Variants in ACAD11 observed in about 807,000 individuals in gnomAD.
ACAD11 encodes the protein acyl-Coenzyme A dehydrogenase family, member 11.
ACAD11 carries 83 observed loss-of-function variants against 102.2 expected under a neutral mutation model. The ratio of observed to expected loss-of-function variants is 0.81; its 90% CI spans 0.68 to 0.97. The LOEUF (loss-of-function observed/expected upper bound fraction) is 0.97, where lower values mean the gene tolerates loss of function less well. Ranked by LOEUF, ACAD11 falls within the 50% of genes least tolerant of loss-of-function variation. ACAD11 has a pLI of 0.00. For synonymous variants in ACAD11, 324 were observed against 319.8 expected, an observed-to-expected ratio of 1.01 and a Z score of -0.14; for missense variants, 901 against 951.7, an observed-to-expected ratio of 0.95 and a Z score of 0.70.
intron 4 of ACAD11, among the ~76,000 whole-genome samples, chr3:132,641,535 C>A (rs1339715453): frequency 7.0e-6 from 1 of 143,696 alleles, no homozygotes; most frequent in South Asian, 2.2e-4. Context: ...CAGAGGGAGA[C>A]TCTGTCTCAA....
intron 1 of ACAD11, among the ~76,000 whole-genome samples, chr3:132,655,605 C>T (rs1937746713): frequency 6.6e-6 from 1 of 152,176 alleles, no homozygotes; most frequent in Non-Finnish European, 1.5e-5. Context: ...TTGCTGAATG[C>T]CGTGTGCTCG....
chr3:132,631,055 A>G (rs1056737727), intron 6 of ACAD11, among the ~76,000 whole-genome samples: 3 of 152,190 alleles, frequency 2.0e-5, no homozygotes, highest in African/African-American at 7.2e-5. Context: ...CGGGTGACAG[A>G]GCAAGACCTT....
intron 8 of ACAD11, among the ~76,000 whole-genome samples, chr3:132,627,876 C>T (rs571601073): frequency 1.3e-5 from 2 of 152,296 alleles, no homozygotes; most frequent in South Asian, 4.1e-4. Context: ...GGGAATGAAA[C>T]TGGCAAAGTG....
chr3:132,610,329 A>G (rs1371892627), intron 11 of ACAD11, among the ~76,000 whole-genome samples: 2 of 152,186 alleles, frequency 1.3e-5, no homozygotes, highest in Non-Finnish European at 1.5e-5. Context: ...AGAGAAGAGC[A>G]AACACATTCA....
intron 9 of ACAD11, among the ~76,000 whole-genome samples, chr3:132,619,790 A>G (rs1158161497): frequency 1.3e-5 from 2 of 152,230 alleles, no homozygotes; most frequent in East Asian, 3.8e-4. Flanking sequence ...TTCTAGCAAT[A>G]TGACAAACTA....
At chr3:132,631,037 C>T (rs1303360796) in intron 6 of ACAD11, among the ~76,000 whole-genome samples, 1 of 152,152 alleles carries the variant, frequency 6.6e-6, no homozygotes, top group Non-Finnish European at 1.5e-5. Context: ...TGGCACTGTA[C>T]TCCAGCCCGG....
intron 8 of ACAD11, 77 bp downstream of exon 8, chr3:132,628,263 C>A: frequency 1.1e-6 from 1 of 898,336 alleles, no homozygotes; most frequent in Non-Finnish European, 1.7e-6. Context: ...ATAATCCCTA[C>A]TCCCCTAAAG....
At chr3:132,632,840 A>G (rs930290698) in intron 5 of ACAD11, among the ~76,000 whole-genome samples, 3 of 152,178 alleles carry the variant, frequency 2.0e-5, no homozygotes, top group Non-Finnish European at 1.5e-5. Flanking sequence ...CTTTGAAGCA[A>G]TTGTGAATGG....
chr3:132,564,357 G>A (rs1576544011), intron 17 of ACAD11, among the ~76,000 whole-genome samples: 1 of 152,214 alleles, frequency 6.6e-6, no homozygotes, highest in East Asian at 1.9e-4. Context: ...TTCTCTAACT[G>A]TTTAGTAGAA....
Position 132,644,824 on chromosome 3 carries a change from T to G in ACAD11, c.222A>C (p.Pro74=), listed in dbSNP as rs1366950129. ...FQTYVLRKKP[P]GSLLPKAHQI... ...GATGTGCTTTAGGAAGAAGTGAACC[T>G]GGTGGTTTTTTCCTGAGCACATATG... Residue 74 remains proline (P), a synonymous_variant, in exon 2 of 20, where the codon CCA becomes CCC. Transcript: ENST00000264990. 6.2e-7 allele frequency: 1 copy of G among 1,612,246 alleles called. No individual in the cohort carries two copies.
Position 132,600,590 on chromosome 3 carries a change from A to C in ACAD11, c.1621+2639T>G, listed in dbSNP as rs764614922. 3 of 1,613,900 alleles carry C rather than the reference A, an allele frequency of 1.9e-6. No individual in the cohort carries two copies. The South Asian group carries it at 3.3e-5, about 18-fold the overall frequency. On this transcript the variant is annotated intron_variant, in intron 13 of 19. Transcript: ENST00000264990. Reference sequence around the variant, plus strand: ...TGCAGGCAATTCCATGGTAGTGGCAATTTATGCCTATTACAAGAAACAGAG... The same window carrying C: ...TGCAGGCAATTCCATGGTAGTGGCACTTTATGCCTATTACAAGAAACAGAG...
At chr3:132,631,930 G>C (rs1052701826) in intron 5 of ACAD11, among the ~76,000 whole-genome samples, 1 of 152,054 alleles carries the variant, frequency 6.6e-6, no homozygotes, top group African/African-American at 2.4e-5. Flanking sequence ...TAGATACAAA[G>C]CATAATTGTT....
At chr3:132,589,290 C>T (rs1937975516) in intron 13 of ACAD11, among the ~76,000 whole-genome samples, 1 of 152,162 alleles carries the variant, frequency 6.6e-6, no homozygotes. Flanking sequence ...TGAGGACCAA[C>T]CCAAAGAACA....
At chr3:132,559,193 T>G (rs1229700276) in intron 19 of ACAD11, 108 bp from the exon 20 acceptor site, 1 of 794,018 alleles carries the variant, frequency 1.3e-6, no homozygotes, top group African/African-American at 1.7e-5. Context: ...ATTCTTAAAT[T>G]CCACCAAGGT....
chr3:132,643,926 G>A (rs965723279), intron 2 of ACAD11, among the ~76,000 whole-genome samples: 1 of 152,106 alleles, frequency 6.6e-6, no homozygotes, highest in African/African-American at 2.4e-5. Context: ...ATGTTATCAA[G>A]AAAAGAGACA....
intron 1 of ACAD11, among the ~76,000 whole-genome samples, chr3:132,645,652 T>A (rs534004773): frequency 3.9e-5 from 6 of 152,024 alleles, no homozygotes; most frequent in Non-Finnish European, 8.8e-5. Flanking sequence ...ATCCTTAAGG[T>A]AATAGGTAAT....
chr3:132,584,871 T>C (rs1318656216), intron 13 of ACAD11, among the ~76,000 whole-genome samples: 14 of 152,200 alleles, frequency 9.2e-5, no homozygotes, highest in African/African-American at 2.2e-4. Context: ...AAGAACATTC[T>C]ATGCTCATGG....
intron 9 of ACAD11, 133 bp downstream of exon 9, chr3:132,626,558 T>C (rs1939821436): frequency 9.8e-7 from 1 of 1,024,958 alleles, no homozygotes. Context: ...GGCTTAGTTC[T>C]AAGGTGAGAA....
intron 11 of ACAD11, among the ~76,000 whole-genome samples, chr3:132,610,797 A>G (rs781507082): frequency 2.0e-5 from 3 of 152,192 alleles, no homozygotes; most frequent in Non-Finnish European, 2.9e-5. Flanking sequence ...CAGAGGTAGA[A>G]GAAGGAGCTG....
Sources: gnomAD v4.1 joint callset for allele counts (sites outside exome capture counted in the v4.1 genomes callset) on GRCh38, gnomAD v4.1.1 for gene constraint, MANE v1.5 for transcripts, NCBI Gene and HGNC (gene_info 2026-07-23, HGNC 2026-07-21) for gene names.